The following SUB1 variants were observed in gnomAD, a reference collection of about 807,000 sequenced individuals.
The protein encoded by SUB1 is activated RNA polymerase II transcriptional coactivator p15.
Under a neutral mutation model 16.9 loss-of-function variants are expected in SUB1, and 1 was observed. The ratio of observed to expected loss-of-function variants is 0.06; its 90% CI spans 0.02 to 0.28. The LOEUF (loss-of-function observed/expected upper bound fraction) is 0.28, where lower values mean the gene tolerates loss of function less well. Among genes scored for constraint, SUB1 ranks in the 10% least tolerant of loss-of-function variants. The probability of loss-of-function intolerance (pLI) is 1.00; values close to 1 mark genes in which losing one functional copy is unlikely to be tolerated. For missense variants in SUB1, 84 were observed against 145.2 expected, an observed-to-expected ratio of 0.58 and a Z score of 2.16; for synonymous variants, 51 against 46.9, an observed-to-expected ratio of 1.09 and a Z score of -0.36.
rs1334075422 is a variant in SUB1 at position 32,602,944 on chromosome 5, G to C, written c.*1860G>C. The C allele has an allele frequency of 1.3e-5, 2 of 152,146 alleles. No homozygotes were observed. Among genetic ancestry groups the C allele is most frequent in the Non-Finnish European group, 2.9e-5 (2 of 68,000 alleles). 9.4% of individuals were successfully genotyped at this position (152,146 alleles called of 1,614,324 possible). On this transcript the variant is annotated 3_prime_UTR_variant, in exon 5 of 5. Transcript: ENST00000265073. ...TTCTTATTTTTGGCACACGGAAAGGGTAGTTCGAGTACAGAACTTTGATTT... is the reference window on the plus strand; with the variant it reads ...TTCTTATTTTTGGCACACGGAAAGGCTAGTTCGAGTACAGAACTTTGATTT...
chr5:32,591,084 C>A (rs994839610), intron 2 of SUB1, among the ~76,000 whole-genome samples: 2 of 151,922 alleles, frequency 1.3e-5, no homozygotes, highest in Non-Finnish European at 2.9e-5. Flanking sequence ...ATTCCTTAAG[C>A]CAGCATAAAT....
chr5:32,587,828 C>T (rs1278905298), intron 1 of SUB1, among the ~76,000 whole-genome samples: 2 of 152,042 alleles, frequency 1.3e-5, no homozygotes, highest in African/African-American at 4.8e-5. Context: ...AGGCTGGTCT[C>T]GAACTCCTGA....
chr5:32,593,755 C>T (rs1249246225), intron 3 of SUB1, among the ~76,000 whole-genome samples: 9 of 151,528 alleles, frequency 5.9e-5, no homozygotes, highest in East Asian at 1.9e-4. Flanking sequence ...TGCAGTAGCA[C>T]GAATCTCGGC....
At chr5:32,588,267 G>A (rs73063648) in intron 1 of SUB1, among the ~76,000 whole-genome samples, 1 of 152,196 alleles carries the variant, frequency 6.6e-6, no homozygotes, top group Non-Finnish European at 1.5e-5. Flanking sequence ...AAGGTTAGAG[G>A]TGTAGGAGTG....
chr5:32,588,588 A>G lies in SUB1; in HGVS notation c.72+4A>G. 6.2e-7 allele frequency: 1 copy of G among 1,613,020 alleles called. No individual in the cohort carries two copies. The highest frequency in any genetic ancestry group is 8.5e-7 in the Non-Finnish European group (1 of 1,179,302). On this transcript the variant is annotated splice_donor_region_variant and intron_variant, in intron 2 of 4. Coordinates refer to ENST00000265073, the MANE Select transcript of SUB1 (RefSeq NM_006713.4). ...TGACAGTGAGGTTGACAAAAAGGTGACTACTGCTGCACCAAGTCATTTTGG... is the reference window on the plus strand; with the variant it reads ...TGACAGTGAGGTTGACAAAAAGGTGGCTACTGCTGCACCAAGTCATTTTGG...
chr5:32,602,229 G>A lies in SUB1; in HGVS notation c.*1145G>A, dbSNP rs1484609331. 1 of 455,472 alleles carries A rather than the reference G, an allele frequency of 2.2e-6. No individual in the cohort carries two copies. Among genetic ancestry groups the A allele is most frequent in the African/African-American group, 2.0e-5 (1 of 50,068 alleles). 28.2% of individuals were successfully genotyped at this position (455,472 alleles called of 1,614,324 possible). A position where few individuals can be genotyped will look rare whatever the true frequency, so the allele number is the denominator to read the frequency against. On this transcript the variant is annotated 3_prime_UTR_variant, in exon 5 of 5. Transcript: ENST00000265073. Reference sequence around the variant, plus strand: ...TTGAGGCACAGATTTTAGTGGCTTTGTGGCAATAAATAGGGCATGGTGTGC... The same window carrying A: ...TTGAGGCACAGATTTTAGTGGCTTTATGGCAATAAATAGGGCATGGTGTGC...
chr5:32,589,774 T>A (rs894831593), intron 2 of SUB1, among the ~76,000 whole-genome samples: 1 of 152,214 alleles, frequency 6.6e-6, no homozygotes, highest in Non-Finnish European at 1.5e-5. Flanking sequence ...TATATATCCT[T>A]TGTAAAATAG....
rs1738731960 is a variant in SUB1, at chr5:32,588,512, G to A, written c.-1G>A. 1 of 1,611,132 alleles carries A rather than the reference G, an allele frequency of 6.2e-7. No individual in the cohort carries two copies. Among genetic ancestry groups the A allele is most frequent in the Non-Finnish European group, 8.5e-7 (1 of 1,178,746 alleles). On this transcript the variant is annotated splice_region_variant and 5_prime_UTR_variant, in exon 2 of 5. Coordinates refer to ENST00000265073, the MANE Select transcript of SUB1 (RefSeq NM_006713.4). ...TTTTTGTAATGTATTTTTCTTTCAG[G>A]ATGCCTAAATCAAAGGAACTTGTTT...
intron 2 of SUB1, among the ~76,000 whole-genome samples, chr5:32,591,069 C>T (rs1738813823): frequency 6.6e-6 from 1 of 152,012 alleles, no homozygotes; most frequent in Non-Finnish European, 1.5e-5. Context: ...GCGCCCGGCC[C>T]ATAAATTCCT....
chr5:32,592,087 T>C (rs1738841978), intron 3 of SUB1, among the ~76,000 whole-genome samples: 1 of 152,258 alleles, frequency 6.6e-6, no homozygotes, highest in Non-Finnish European at 1.5e-5. Context: ...AATTGCCTAA[T>C]ATGTATGTTA....
At chr5:32,599,299 T>C (rs998788453) in intron 4 of SUB1, among the ~76,000 whole-genome samples, 9 of 152,220 alleles carry the variant, frequency 5.9e-5, no homozygotes, top group Non-Finnish European at 1.3e-4. Flanking sequence ...CTAATATCAC[T>C]TCAGTTGGCT....
At chr5:32,593,844 C>A (rs976306520) in intron 3 of SUB1, among the ~76,000 whole-genome samples, 1 of 152,174 alleles carries the variant, frequency 6.6e-6, no homozygotes, top group African/African-American at 2.4e-5. Flanking sequence ...CAGGCATGCG[C>A]CACCACCCCC....
Position 32,601,072 on chromosome 5 carries a change from A to G in SUB1, c.372A>G (p.Val124=), listed in dbSNP as rs1426832931. The G allele has an allele frequency of 2.5e-6, 4 of 1,611,572 alleles. No individual in the cohort carries two copies. In the African/African-American group the frequency reaches 4.0e-5, roughly 16 times the overall value. The change falls in exon 5 of 5, where the codon GTA becomes GTG. Residue 124 remains valine, a synonymous_variant. Coordinates refer to ENST00000265073, the MANE Select transcript of SUB1 (RefSeq NM_006713.4). ...KEQISDIDDA[V]RKL ...AGATTTCTGACATTGATGATGCAGT[A>G]AGAAAACTGTAAAATTCGAGCCATA...
intron 3 of SUB1, chr5:32,597,996 G>C (rs1318470139): frequency 6.6e-6 from 1 of 152,156 alleles, no homozygotes; most frequent in Non-Finnish European, 1.5e-5. Flanking sequence ...TCATCTGTTA[G>C]AAATTGTAGG....
rs1282183425 is a variant in SUB1 at position 32,603,639 on chromosome 5, G to C, written c.*2555G>C. On this transcript the variant is annotated 3_prime_UTR_variant, in exon 5 of 5. Coordinates refer to ENST00000265073, the MANE Select transcript of SUB1 (RefSeq NM_006713.4). ...TCCTACCTCATTAGCTACTCAAGAT[G>C]CTGTGACGATCAAATCTATTCTACA... 1.3e-5 allele frequency: 2 copies of C among 152,172 alleles called. No homozygotes were observed. Among genetic ancestry groups the C allele is most frequent in the Non-Finnish European group, 2.9e-5 (2 of 68,002 alleles). The allele number at this position is 152,172 out of a possible 1,614,324, so 9.4% of individuals were successfully genotyped here. A position where few individuals can be genotyped will look rare whatever the true frequency, so the allele number is the denominator to read the frequency against.
chr5:32,594,501 G>T, intron 3 of SUB1: 1 of 399,544 alleles, frequency 2.5e-6, no homozygotes, highest in East Asian at 7.3e-5. Flanking sequence ...ATTATAACTG[G>T]TCATTTTAAT....
intron 3 of SUB1, 77 bp downstream of exon 3, chr5:32,591,762 G>A (rs1267806080): frequency 2.7e-5 from 39 of 1,418,704 alleles, no homozygotes; most frequent in Middle Eastern, 2.4e-4. Flanking sequence ...GTGCAGTGGC[G>A]CCATCTCGGC....
chr5:32,588,437 TTTGA>T (rs894499780), intron 1 of SUB1, 71 bp from the exon 2 acceptor site: 59 of 1,342,334 alleles, frequency 4.4e-5, no homozygotes, highest in East Asian at 5.0e-5. Flanking sequence ...GATTTTTTTC[TTTGA>T]TTGGGGGAGA....
At chr5:32,593,664 G>T (rs534559079) in intron 3 of SUB1, among the ~76,000 whole-genome samples, 49 of 151,790 alleles carry the variant, frequency 3.2e-4, no homozygotes, top group African/African-American at 1.2e-3. Context: ...CCTTTTGAAA[G>T]CCTGCCTCTA....
Sources: allele counts gnomAD v4.1 joint callset (sites outside exome capture counted in the v4.1 genomes callset), GRCh38; gene constraint gnomAD v4.1.1; transcripts MANE v1.5; gene names NCBI Gene and HGNC (gene_info 2026-07-23, HGNC 2026-07-21).